SORBS2: variants seen among roughly 807,000 people sequenced by gnomAD.
The protein encoded by SORBS2 is sorbin and SH3 domain-containing protein 2.
SORBS2 carries 46 observed loss-of-function variants against 97.7 expected under a neutral mutation model. The ratio of observed to expected loss-of-function variants is 0.47; its 90% confidence interval spans 0.37 to 0.60. SORBS2 has a LOEUF of 0.60. Among genes scored for constraint, SORBS2 ranks in the 20% least tolerant of loss-of-function variants. SORBS2 has a pLI of 0.00. For synonymous variants in SORBS2, 476 were observed against 473.4 expected, an observed-to-expected ratio of 1.01 and a Z score of -0.07; for missense variants, 1,316 against 1,282.3, an observed-to-expected ratio of 1.03 and a Z score of -0.40.
In SORBS2 at chr4:185,620,084, TC is replaced by T. The variant is rs1417433899; in HGVS notation, c.2282del (p.Arg761LysfsTer61). The T allele has an allele frequency of 6.2e-7, 1 of 1,609,440 alleles. No homozygotes were observed. Among genetic ancestry groups the T allele is most frequent in the Non-Finnish European group, 8.5e-7 (1 of 1,175,768 alleles). Reference sequence around the variant, plus strand: ...CTACCTCTTTTTCTGGAGTTCCTCTTCTTTCCCTTGGTGCACTTCTCCCCAT... The same window carrying T: ...CTACCTCTTTTTCTGGAGTTCCTCTTTTTCCCTTGGTGCACTTCTCCCCAT... On this transcript the variant is annotated frameshift_variant, in exon 8 of 15. Transcript: ENST00000418609. LOFTEE classifies it high-confidence loss of function.
At chr4:185,772,914 T>C (rs2153626652) in intron 2 of SORBS2, 1 of 152,298 alleles carries the variant, frequency 6.6e-6, no homozygotes, top group East Asian at 1.9e-4. Context: ...AGGCCAAGTT[T>C]CGTGCAAGGC....
intron 1 of SORBS2, chr4:185,775,892 A>T (rs886561475): frequency 1.3e-5 from 2 of 152,176 alleles, no homozygotes; most frequent in Non-Finnish European, 2.9e-5. Context: ...AGTTTCATCA[A>T]CTATGCTATT....
chr4:185,783,914 G>C (rs2099043453), intron 1 of SORBS2, among the ~76,000 whole-genome samples: 1 of 152,176 alleles, frequency 6.6e-6, no homozygotes, highest in Admixed American at 6.5e-5. Context: ...TGTAAAATAA[G>C]TCAAGTAGGT....
intron 6 of SORBS2, among the ~76,000 whole-genome samples, chr4:185,625,021 TG>T (rs2096787361): frequency 6.6e-6 from 1 of 152,248 alleles, no homozygotes; most frequent in Non-Finnish European, 1.5e-5. Flanking sequence ...TAATTTTTTG[TG>T]GGTTTTAGAT....
chr4:185,830,489 G>A (rs1376860021), intron 1 of SORBS2, among the ~76,000 whole-genome samples: 1 of 152,174 alleles, frequency 6.6e-6, no homozygotes, highest in East Asian at 1.9e-4. Flanking sequence ...CATCATAAAC[G>A]CTGAAGAAGT....
intron 1 of SORBS2, among the ~76,000 whole-genome samples, chr4:185,655,256 G>A (rs945536977): frequency 3.3e-5 from 5 of 152,224 alleles, no homozygotes; most frequent in Non-Finnish European, 7.3e-5. Context: ...ACAAAATTCT[G>A]TTTCCTCGGC....
intron 2 of SORBS2, among the ~76,000 whole-genome samples, chr4:185,767,070 G>T (rs2098938058): frequency 6.6e-6 from 1 of 151,750 alleles, no homozygotes; most frequent in African/African-American, 2.4e-5. Flanking sequence ...TTATACTATT[G>T]GCACATTCAT....
At chr4:185,650,330 C>T (rs748000274) in intron 2 of SORBS2, among the ~76,000 whole-genome samples, 5 of 152,220 alleles carry the variant, frequency 3.3e-5, no homozygotes, top group Non-Finnish European at 4.4e-5. Flanking sequence ...ATGGAACCCA[C>T]GAGTCCAGAG....
intron 2 of SORBS2, among the ~76,000 whole-genome samples, chr4:185,756,592 A>G (rs2098832075): frequency 6.6e-6 from 1 of 152,202 alleles, no homozygotes; most frequent in South Asian, 2.1e-4. Context: ...ATCTGTACAT[A>G]TGCTTACAGG....
chr4:185,774,956 CTG>C (rs2098992921), intron 2 of SORBS2: 1 of 151,112 alleles, frequency 6.6e-6, no homozygotes, highest in Non-Finnish European at 1.5e-5. Flanking sequence ...TCTCATTGCT[CTG>C]GCAATCAGGC....
At chr4:185,940,252 C>G (rs1166663807) in intron 1 of SORBS2, among the ~76,000 whole-genome samples, 1 of 152,190 alleles carries the variant, frequency 6.6e-6, no homozygotes, top group Non-Finnish European at 1.5e-5. Flanking sequence ...CACTTGATCT[C>G]CAAACTAGTA....
intron 4 of SORBS2, chr4:185,677,658 C>T (rs977229030): frequency 5.6e-5 from 82 of 1,466,724 alleles, no homozygotes; most frequent in Non-Finnish European, 7.1e-5. Context: ...CAATGGGATC[C>T]AGAGAAAGAA....
At chr4:185,777,972 T>C (rs1000463150) in intron 1 of SORBS2, among the ~76,000 whole-genome samples, 2 of 152,234 alleles carry the variant, frequency 1.3e-5, no homozygotes, top group African/African-American at 4.8e-5. Context: ...CTAAAACATG[T>C]AAACTATCAT....
chr4:185,751,190 A>AAAAAAAAAAAAAAAAAAAAAAAG, intron 2 of SORBS2, among the ~76,000 whole-genome samples: 1,867 of 85,892 alleles, frequency 0.022, 483 homozygotes, highest in Non-Finnish European at 0.035. Context: ...AAAAAAAAAA[A>AAAAAAAAAAAAAAAAAAAAAAAG]AGAGAAAGAG....
At chr4:185,819,808 C>G (rs551109885) in intron 1 of SORBS2, among the ~76,000 whole-genome samples, 5 of 152,188 alleles carry the variant, frequency 3.3e-5, no homozygotes, top group Non-Finnish European at 7.3e-5. Flanking sequence ...GCATTGCCAT[C>G]TCTCCTTATA....
intron 2 of SORBS2, among the ~76,000 whole-genome samples, chr4:185,729,875 C>G (rs897701240): frequency 3.3e-5 from 5 of 152,136 alleles, no homozygotes; most frequent in Admixed American, 6.5e-5. Context: ...ATCAATGTTT[C>G]GTATTCTGTC....
chr4:185,608,985 T>C (rs1412419973), intron 12 of SORBS2, among the ~76,000 whole-genome samples: 1 of 134,496 alleles, frequency 7.4e-6, no homozygotes, highest in African/African-American at 2.9e-5. Flanking sequence ...GGGTATTAAT[T>C]AGATTTATTT....
intron 1 of SORBS2, among the ~76,000 whole-genome samples, chr4:185,904,617 AC>A (rs2099249678): frequency 1.3e-5 from 2 of 152,378 alleles, no homozygotes; most frequent in East Asian, 3.9e-4. Flanking sequence ...CCGCACAATG[AC>A]AAAAGCAACT....
intron 2 of SORBS2, among the ~76,000 whole-genome samples, chr4:185,695,788 C>A (rs1172340312): frequency 6.6e-6 from 1 of 152,194 alleles, no homozygotes; most frequent in Non-Finnish European, 1.5e-5. Context: ...ACCTATCTTT[C>A]CTATATGTCA....
Sources: allele counts gnomAD v4.1 joint callset (sites outside exome capture counted in the v4.1 genomes callset), GRCh38; gene constraint gnomAD v4.1.1; transcripts MANE v1.5; gene names NCBI Gene and HGNC (gene_info 2026-07-23, HGNC 2026-07-21).